DNAL1: variants seen among roughly 807,000 people sequenced by gnomAD.
The protein encoded by DNAL1 is dynein axonemal light chain 1.
DNAL1 carries 17 observed loss-of-function variants against 29.4 expected under a neutral mutation model. The ratio of observed to expected loss-of-function variants is 0.58; its 90% confidence interval spans 0.40 to 0.87. DNAL1 has a LOEUF of 0.87. DNAL1 is among the 40% of genes least tolerant of loss of function. DNAL1 has a pLI of 0.00. For missense variants in DNAL1, 188 were observed against 214.1 expected (o/e 0.88, Z 0.76); for synonymous variants, 78 against 76.3 (o/e 1.02, Z -0.12).
At chr14:73,673,424 A>G (rs1035943801) in intron 5 of DNAL1, among the ~76,000 whole-genome samples, 1 of 152,168 alleles carries the variant, frequency 6.6e-6, no homozygotes, top group Non-Finnish European at 1.5e-5. Flanking sequence ...ATAAATTATA[A>G]ATATAGGATT....
chr14:73,691,853 C>A (rs1039829201), intron 7 of DNAL1, among the ~76,000 whole-genome samples: 133 of 140,526 alleles, frequency 9.5e-4, no homozygotes, highest in Non-Finnish European at 1.4e-3. Context: ...GCCACCCCCC[C>A]CCCCCAGCTA....
At position 73,687,530 on chromosome 14, in the gene DNAL1, G is replaced by C. The variant is rs1048412174; in HGVS notation, c.391+145G>C. 5 of 947,622 alleles carry C rather than the reference G, an allele frequency of 5.3e-6. No homozygotes were observed. The African/African-American group carries it at 8.5e-5, about 16-fold the overall frequency. The allele number at this position is 947,622 out of a possible 1,614,324, so 58.7% of individuals were successfully genotyped here. A position where few individuals can be genotyped will look rare whatever the true frequency, so the allele number is the denominator to read the frequency against. ...TTATGGCTAAGCTCAGAGAGAAACA[G>C]CAATAGGAGTTTCTAAATTTTAAAT... On this transcript the variant is annotated intron_variant, in intron 6 of 7. Transcript: ENST00000553645.
chr14:73,672,778 C>T (rs1397541874), intron 5 of DNAL1, among the ~76,000 whole-genome samples: 10 of 141,080 alleles, frequency 7.1e-5, no homozygotes, highest in Non-Finnish European at 1.1e-4. Context: ...TTTTTTGAGA[C>T]GGAGTCTTGC....
rs567799034 is a variant in DNAL1 at position 73,689,807 on chromosome 14, G to A, written c.532+292G>A. 1.1e-4 allele frequency among the ~76,000 whole-genome samples: 16 copies of A among 152,008 alleles called. No homozygotes were observed. In the South Asian group the frequency reaches 3.3e-3, roughly 32 times the overall value. Reference sequence around the variant, plus strand: ...TCCTAGCACTTTGGGAGGCTGAGGCGGGTGGATCACCGAAGGTCAGGAGTC... The same window carrying A: ...TCCTAGCACTTTGGGAGGCTGAGGCAGGTGGATCACCGAAGGTCAGGAGTC... On this transcript the variant is annotated intron_variant, in intron 7 of 7. Transcript: ENST00000553645.
intron 4 of DNAL1, among the ~76,000 whole-genome samples, chr14:73,665,664 G>A (rs192247841): frequency 2.3e-3 from 348 of 152,012 alleles, no homozygotes; most frequent in Middle Eastern, 3.4e-3. Flanking sequence ...GGTGGCGTGC[G>A]CCTGTAATCC....
At chr14:73,666,661 C>G (rs1264942264) in intron 4 of DNAL1, among the ~76,000 whole-genome samples, 2 of 152,032 alleles carry the variant, frequency 1.3e-5, no homozygotes, top group East Asian at 3.8e-4. Flanking sequence ...TTTAGCCATT[C>G]GTTACCATTT....
intron 5 of DNAL1, among the ~76,000 whole-genome samples, chr14:73,684,537 G>A (rs926468393): frequency 6.6e-6 from 1 of 152,092 alleles, no homozygotes; most frequent in African/African-American, 2.4e-5. Flanking sequence ...GCAACATTGT[G>A]TTACCTGGAT....
intron 7 of DNAL1, among the ~76,000 whole-genome samples, chr14:73,694,296 CAGAGA>C (rs1390001080): frequency 1.5e-5 from 2 of 133,882 alleles, no homozygotes; most frequent in Admixed American, 8.0e-5. Flanking sequence ...ATAAAGTCTT[CAGAGA>C]AGAGAAGAGA....
chr14:73,669,630 A>G (rs1251026128), intron 4 of DNAL1, among the ~76,000 whole-genome samples: 1 of 151,994 alleles, frequency 6.6e-6, no homozygotes, highest in Non-Finnish European at 1.5e-5. Flanking sequence ...GAGTCTTTCT[A>G]TGTTGCCCAG....
chr14:73,661,480 C>T (rs950976383), intron 3 of DNAL1, among the ~76,000 whole-genome samples: 1 of 152,126 alleles, frequency 6.6e-6, no homozygotes, highest in African/African-American at 2.4e-5. Flanking sequence ...TGTGGTGGCT[C>T]ACACCTCTAA....
At chr14:73,664,359 T>TA (rs1335265759) in intron 4 of DNAL1, among the ~76,000 whole-genome samples, 2 of 152,168 alleles carry the variant, frequency 1.3e-5, no homozygotes, top group Admixed American at 6.6e-5. Context: ...AAAATATCAT[T>TA]TGAATATCAT....
At chr14:73,670,822 C>T (rs1477123442) in intron 4 of DNAL1, among the ~76,000 whole-genome samples, 1 of 151,806 alleles carries the variant, frequency 6.6e-6, no homozygotes, top group Non-Finnish European at 1.5e-5. Context: ...CTGCAAGCTC[C>T]GCCTCCTGAA....
At chr14:73,666,692 A>G (rs1891489176) in intron 4 of DNAL1, among the ~76,000 whole-genome samples, 1 of 152,218 alleles carries the variant, frequency 6.6e-6, no homozygotes, top group Non-Finnish European at 1.5e-5. Context: ...TTTTTCAAAA[A>G]GGGGTTAGAG....
At chr14:73,692,844 T>C (rs1892207709) in intron 7 of DNAL1, among the ~76,000 whole-genome samples, 1 of 151,720 alleles carries the variant, frequency 6.6e-6, no homozygotes, top group South Asian at 2.1e-4. Flanking sequence ...AGGGATCTTT[T>C]TTTTTTTTTT....
intron 4 of DNAL1, among the ~76,000 whole-genome samples, chr14:73,663,202 A>ATTTTTTTT (rs58367000): frequency 8.0e-6 from 1 of 125,158 alleles, no homozygotes; most frequent in African/African-American, 3.1e-5. Flanking sequence ...GGTCCCAGTA[A>ATTTTTTTT]TTTTTTTTTT....
At position 73,698,768 on chromosome 14, in the gene DNAL1, A is replaced by T. The variant is rs2140070044; in HGVS notation, c.*2826A>T. 6.6e-6 allele frequency: 1 copy of T among 152,188 alleles called. No homozygotes were observed. The highest frequency in any genetic ancestry group is 2.4e-5 in the African/African-American group (1 of 41,518). 9.4% of individuals were successfully genotyped at this position (152,188 alleles called of 1,614,324 possible). A position where few individuals can be genotyped will look rare whatever the true frequency, so the allele number is the denominator to read the frequency against. The stretch of plus-strand genomic sequence containing the variant: ...CAAATTTCTTCTATTCTTGTAAGTG[A>T]TGGTAAAACTCTGGAATCAGTCCAG... On this transcript the variant is annotated 3_prime_UTR_variant, in exon 8 of 8. Coordinates refer to ENST00000553645, the MANE Select transcript of DNAL1 (RefSeq NM_031427.4).
At chr14:73,692,201 G>T (rs1048770101) in intron 7 of DNAL1, among the ~76,000 whole-genome samples, 6 of 152,194 alleles carry the variant, frequency 3.9e-5, no homozygotes, top group African/African-American at 1.4e-4. Context: ...TAAAATAGAG[G>T]CCGGGTGTAG....
chr14:73,649,345 C>A (rs139684140), intron 1 of DNAL1, among the ~76,000 whole-genome samples: 1 of 150,678 alleles, frequency 6.6e-6, no homozygotes, highest in Non-Finnish European at 1.5e-5. Flanking sequence ...TGCAGTGGCG[C>A]GATCTCGGCT....
chr14:73,652,328 A>G (rs772468048), intron 1 of DNAL1, among the ~76,000 whole-genome samples: 6 of 152,008 alleles, frequency 3.9e-5, no homozygotes, highest in South Asian at 2.1e-4. Flanking sequence ...TAGTGGTGCA[A>G]TCTTGGCTCA....
Sources: allele counts gnomAD v4.1 joint callset (sites outside exome capture counted in the v4.1 genomes callset), GRCh38; gene constraint gnomAD v4.1.1; transcripts MANE v1.5; gene names NCBI Gene and HGNC (gene_info 2026-07-23, HGNC 2026-07-21).